Variants in MACROD1 observed in about 807,000 individuals in gnomAD.
MACROD1 encodes the protein mono-ADP ribosylhydrolase 1.
A neutral mutation model predicts 41.4 loss-of-function variants in MACROD1; 31 were observed. The observed-to-expected ratio is 0.75, with a 90% CI of 0.56 to 1.01. The LOEUF (loss-of-function observed/expected upper bound fraction) is 1.01. MACROD1 is among the 50% of genes least tolerant of loss of function. The pLI, the probability that MACROD1 is intolerant of heterozygous loss-of-function variation, is 0.00. For synonymous variants in MACROD1, 252 were observed against 203.4 expected, an observed-to-expected ratio of 1.24 and a Z score of -2.03; for missense variants, 473 against 460.0, an observed-to-expected ratio of 1.03 and a Z score of -0.26.
chr11:64,165,822 G>A lies in MACROD1; in HGVS notation c.173C>T (p.Ser58Leu), dbSNP rs975607214. Residue 58 changes from serine to leucine, a missense_variant, in exon 1 of 11, where the codon TCG becomes TTG. By Grantham distance (145) the Ser-to-Leu change is moderately radical. Transcript: ENST00000255681. Reference sequence around the variant, plus strand: ...CGCCCCCCACGCCCCAACTCCCGCCGAGGTCCGCGCACGGCGGCCGAACAC... The same window carrying A: ...CGCCCCCCACGCCCCAACTCCCGCCAAGGTCCGCGCACGGCGGCCGAACAC... ...LGVFGRRART[S>L]AGVGAWGAAA... 3 of 1,482,960 alleles carry A rather than the reference G, an allele frequency of 2.0e-6. No individual in the cohort carries two copies. The African/African-American group carries it at 4.4e-5, about 22-fold the overall frequency. The allele number at this position is 1,482,960 out of a possible 1,614,324, so 91.9% of individuals were successfully genotyped here.
intron 3 of MACROD1, among the ~76,000 whole-genome samples, chr11:64,144,926 G>A (rs1302567152): frequency 2.6e-5 from 4 of 152,240 alleles, no homozygotes; most frequent in African/African-American, 9.6e-5. Flanking sequence ...CATCAAGGCG[G>A]TCTCTAAATC....
Position 64,061,376 on chromosome 11 carries a change from A to C in MACROD1, c.518-46095T>G, listed in dbSNP as rs574550806. Among the ~76,000 whole-genome samples the C allele has an allele frequency of 1.6e-4, 25 of 152,222 alleles. 1 individual carries two copies. The highest frequency in any genetic ancestry group is 6.5e-5 in the Admixed American group (1 of 15,294). On this transcript the variant is annotated intron_variant, in intron 3 of 10. Transcript: ENST00000255681. Reference sequence around the variant, plus strand: ...TGGAGGTGAGGGCCCTCTGCTAGGCAAGAGGAATGGGCTTGGCCCGCCCAG... The same window carrying C: ...TGGAGGTGAGGGCCCTCTGCTAGGCCAGAGGAATGGGCTTGGCCCGCCCAG...
At chr11:64,100,949 A>G (rs1223866414) in intron 3 of MACROD1, among the ~76,000 whole-genome samples, 2 of 152,146 alleles carry the variant, frequency 1.3e-5, no homozygotes, top group African/African-American at 4.8e-5. Flanking sequence ...GGTTTTCTAA[A>G]TGAGGGAGCA....
intron 3 of MACROD1, among the ~76,000 whole-genome samples, chr11:64,099,721 T>C (rs566779103): frequency 2.8e-4 from 40 of 145,070 alleles, no homozygotes; most frequent in Admixed American, 7.5e-4. Context: ...GAGAGATAGA[T>C]GGAAGGATGG....
chr11:64,156,108 C>CAA (rs781677528), intron 1 of MACROD1, among the ~76,000 whole-genome samples: 92 of 56,818 alleles, frequency 1.6e-3, no homozygotes, highest in East Asian at 4.9e-3. Context: ...AACTCCATCT[C>CAA]AAAAAAAAAA....
intron 3 of MACROD1, among the ~76,000 whole-genome samples, chr11:64,061,249 C>A (rs956567913): frequency 1.3e-5 from 2 of 152,228 alleles, no homozygotes; most frequent in Non-Finnish European, 2.9e-5. Context: ...GGCGATCACG[C>A]GGTGTAATTG....
intron 3 of MACROD1, among the ~76,000 whole-genome samples, chr11:64,115,983 G>C (rs763692011): frequency 1.3e-5 from 2 of 152,204 alleles, no homozygotes; most frequent in Non-Finnish European, 2.9e-5. Flanking sequence ...CAGCCTCTTG[G>C]CTCCTGATAA....
At position 64,013,151 on chromosome 11, in the gene MACROD1, G is replaced by A. The variant is rs201018474; in HGVS notation, c.547+2101C>T. Among the ~76,000 whole-genome samples, 3 of 152,320 alleles carry A rather than the reference G, an allele frequency of 2.0e-5. No homozygotes were observed. In the East Asian group the frequency reaches 5.8e-4, roughly 29 times the overall value. ...TACTGAGCACTTATTATAAGTGCCA[G>A]CCCCAGATACAGTCTTTCATTTTCA... On this transcript the variant is annotated intron_variant, in intron 4 of 10. Transcript: ENST00000255681.
At chr11:64,150,923 C>T (rs1945565728) in intron 3 of MACROD1, among the ~76,000 whole-genome samples, 1 of 152,188 alleles carries the variant, frequency 6.6e-6, no homozygotes, top group Admixed American at 6.5e-5. Flanking sequence ...CTTCTGTGGC[C>T]CCCCAAGGTC....
intron 5 of MACROD1, 47 bp downstream of exon 5, chr11:64,000,180 G>A (rs527386031): frequency 2.7e-6 from 4 of 1,497,824 alleles, no homozygotes; most frequent in East Asian, 2.3e-5. Context: ...AGTGACACAC[G>A]GGCGCCCTGT....
At chr11:64,043,665 C>T (rs1392195624) in intron 3 of MACROD1, among the ~76,000 whole-genome samples, 1 of 152,180 alleles carries the variant, frequency 6.6e-6, no homozygotes, top group Non-Finnish European at 1.5e-5. Context: ...TTACTGCATA[C>T]AATGCATATT....
intron 3 of MACROD1, among the ~76,000 whole-genome samples, chr11:64,130,427 C>G (rs1945248827): frequency 6.6e-6 from 1 of 152,190 alleles, no homozygotes; most frequent in Admixed American, 6.5e-5. Flanking sequence ...GGAAGCTTCC[C>G]TTCTCCTGCC....
At chr11:64,059,938 C>T (rs1031863134) in intron 3 of MACROD1, among the ~76,000 whole-genome samples, 6 of 151,920 alleles carry the variant, frequency 3.9e-5, no homozygotes, top group Non-Finnish European at 7.4e-5. Flanking sequence ...GCAGCTGGGG[C>T]GCTTGGGGGA....
intron 3 of MACROD1, among the ~76,000 whole-genome samples, chr11:64,015,840 C>T (rs991350108): frequency 1.3e-5 from 2 of 152,014 alleles, no homozygotes; most frequent in Non-Finnish European, 2.9e-5. Context: ...GGGGCGGGGG[C>T]GTCCAACTGC....
intron 3 of MACROD1, among the ~76,000 whole-genome samples, chr11:64,058,054 C>T (rs142930329): frequency 2.6e-5 from 4 of 152,338 alleles, no homozygotes; most frequent in East Asian, 1.9e-4. Context: ...ATGTAATCTG[C>T]GACACTGGGC....
At chr11:64,065,885 T>C (rs1369220666) in intron 3 of MACROD1, among the ~76,000 whole-genome samples, 1 of 151,744 alleles carries the variant, frequency 6.6e-6, no homozygotes, top group African/African-American at 2.4e-5. Flanking sequence ...TTCACCCCAG[T>C]GCAGAGTGGT....
intron 3 of MACROD1, among the ~76,000 whole-genome samples, chr11:64,016,071 TA>T (rs1011977439): frequency 6.6e-6 from 1 of 152,146 alleles, no homozygotes; most frequent in African/African-American, 2.4e-5. Context: ...CTCCTTGGAC[TA>T]GGGGTAGTGC....
At chr11:64,034,932 C>T (rs910347843) in intron 3 of MACROD1, among the ~76,000 whole-genome samples, 1 of 152,116 alleles carries the variant, frequency 6.6e-6, no homozygotes, top group African/African-American at 2.4e-5. Flanking sequence ...GCCAAGAGCA[C>T]GGGGACTTTC....
At position 64,040,391 on chromosome 11, in the gene MACROD1, C is replaced by T. The variant is rs529003285; in HGVS notation, c.518-25110G>A. Among the ~76,000 whole-genome samples the T allele has an allele frequency of 7.0e-4, 107 of 152,192 alleles. 1 individual carries two copies. The highest frequency in any genetic ancestry group is 1.9e-3 in the South Asian group (9 of 4,820). ...TGGATGGAGAGGGCTGCATGGAGAC[C>T]CCCGGCAGGAGGGCAGAGGGGCTCA... On this transcript the variant is annotated intron_variant, in intron 3 of 10. Coordinates refer to ENST00000255681, the MANE Select transcript of MACROD1 (RefSeq NM_014067.4).
Sources: gnomAD v4.1 joint callset for allele counts (sites outside exome capture counted in the v4.1 genomes callset) on GRCh38, gnomAD v4.1.1 for gene constraint, MANE v1.5 for transcripts, NCBI Gene and HGNC (gene_info 2026-07-23, HGNC 2026-07-21) for gene names.